Variants in BTBD18 observed in about 807,000 individuals in gnomAD.
The protein encoded by BTBD18 is BTB domain containing 18.
For missense variants in BTBD18, 787 were observed against 846.3 expected (o/e 0.93, Z 0.87); for synonymous variants, 311 against 324.4 (o/e 0.96, Z 0.44).
chr11:57,746,837 C>T (rs1949205253), intron 2 of BTBD18, among the ~76,000 whole-genome samples: 1 of 151,058 alleles, frequency 6.6e-6, no homozygotes, highest in Non-Finnish European at 1.5e-5. Context: ...CTTCCTCCAC[C>T]CCACCACAAG....
At chr11:57,749,192 G>A (rs1949249423) in intron 2 of BTBD18, among the ~76,000 whole-genome samples, 1 of 152,270 alleles carries the variant, frequency 6.6e-6, no homozygotes, top group East Asian at 1.9e-4. Context: ...ATATTGCACA[G>A]TTACTTGAAT....
rs1462805825 is a variant in BTBD18, at chr11:57,744,471, T to C, written c.1802A>G (p.Gln601Arg). The stretch of plus-strand genomic sequence containing the variant: ...TTTGTCTTCCTGACCATCCAGTGGC[T>C]GGGAGCTGGTAATTTCAAGGTCTGG... ...WTPDLEITSS[Q>R]PLDGQEDKLL... Residue 601 changes from glutamine (Q) to arginine (R), a missense_variant, in exon 3 of 3, where the codon CAG (glutamine) becomes CGG (arginine). Transcript: ENST00000422652. 6.4e-7 allele frequency: 1 copy of C among 1,551,656 alleles called. No homozygotes were observed. Among genetic ancestry groups the C allele is most frequent in the Admixed American group, 2.0e-5 (1 of 51,000 alleles).
chr11:57,744,816 G>C lies in BTBD18; in HGVS notation c.1457C>G (p.Thr486Arg), dbSNP rs576001291. Residue 486 changes from threonine (T) to arginine (R), a missense_variant, in exon 3 of 3, where the codon ACA (threonine) becomes AGA (arginine). Physicochemically the swap from Thr to Arg is moderately conservative, Grantham distance 71 (BLOSUM62 -1). Transcript: ENST00000422652. ...CAGCTCACTGGTGGCAGCAGCACTT[G>C]TGATTCGGTACTCCTCAGCCTCACA... ...QPCEAEEYRI[T>R]SAAATSELEE... 1.7e-5 allele frequency: 27 copies of C among 1,551,732 alleles called. No individual in the cohort carries two copies. The South Asian group carries it at 2.7e-4, about 16-fold the overall frequency.
At chr11:57,749,026 G>A (rs1205283934) in intron 2 of BTBD18, among the ~76,000 whole-genome samples, 1 of 152,112 alleles carries the variant, frequency 6.6e-6, no homozygotes, top group Non-Finnish European at 1.5e-5. Context: ...AAAAATCCCT[G>A]CTTCCTCCCA....
upstream of BTBD18, chr11:57,753,155 C>G (rs1949351297): frequency 6.1e-6 from 1 of 162,648 alleles, no homozygotes; most frequent in Non-Finnish European, 1.3e-5. Context: ...TCGCAGAGCC[C>G]TACGCCCCTC....
rs1322983513 is a variant in BTBD18 at position 57,745,009 on chromosome 11, T to C, written c.1264A>G (p.Met422Val). 15 of 1,551,518 alleles carry C rather than the reference T, an allele frequency of 9.7e-6. No individual in the cohort carries two copies. Among genetic ancestry groups the C allele is most frequent in the Non-Finnish European group, 8.7e-7 (1 of 1,146,960 alleles). ...TRTELCQDSP[M>V]CTKLQDILVS... Reference sequence around the variant, plus strand: ...AGAATGTCTTGTAGCTTAGTGCACATGGGGGAGTCCTGACACAGTTCTGTT... The same window carrying C: ...AGAATGTCTTGTAGCTTAGTGCACACGGGGGAGTCCTGACACAGTTCTGTT... Residue 422 changes from methionine (M) to valine (V), a missense_variant, in exon 3 of 3, where the codon ATG becomes GTG. Physicochemically the swap from Met to Val is conservative, Grantham distance 21. Coordinates refer to ENST00000422652, the MANE Select transcript of BTBD18 (RefSeq NM_001145101.3).
upstream of BTBD18, among the ~76,000 whole-genome samples, chr11:57,752,261 G>C (rs1949326313): frequency 6.6e-6 from 1 of 152,206 alleles, no homozygotes. Context: ...TTGGCTGGGC[G>C]GGGTGGCTCA....
Position 57,744,546 on chromosome 11 carries a change from A to C in BTBD18, c.1727T>G (p.Val576Gly). The C allele has an allele frequency of 6.4e-7, 1 of 1,551,656 alleles. No individual in the cohort carries two copies. The change falls in exon 3 of 3, where the codon GTC (valine) becomes GGC (glycine). Residue 576 changes from valine to glycine, a missense_variant. Val to Gly is a moderately radical substitution (Grantham distance 109). Coordinates refer to ENST00000422652, the MANE Select transcript of BTBD18 (RefSeq NM_001145101.3). The stretch of plus-strand genomic sequence containing the variant: ...CACTTCACTCACCTCAGAGGGCATG[A>C]CAAGGGGGCTAAGGAGCTCAGTTGG... ...RGPTELLSPL[V>G]MPSEVSEVLS...
intron 1 of BTBD18, 143 bp from the exon 2 acceptor site, chr11:57,751,379 CAAG>C: frequency 2.2e-6 from 1 of 452,370 alleles, no homozygotes; most frequent in Non-Finnish European, 3.8e-6. Flanking sequence ...AAGGATATCT[CAAG>C]AAAGAAAATT....
intron 2 of BTBD18, 89 bp downstream of exon 2, chr11:57,750,976 T>G: frequency 1.7e-6 from 2 of 1,156,786 alleles, no homozygotes; most frequent in Non-Finnish European, 2.3e-6. Context: ...AGTAATATTT[T>G]GCTGATTTTG....
intron 2 of BTBD18, among the ~76,000 whole-genome samples, chr11:57,747,950 C>T (rs145890492): frequency 2.6e-4 from 40 of 152,330 alleles, no homozygotes; most frequent in African/African-American, 9.6e-4. Context: ...CAAGCATATA[C>T]CACCTCAGCC....
chr11:57,746,331 A>AT (rs35886239), intron 2 of BTBD18, among the ~76,000 whole-genome samples, 183 bp from the exon 3 acceptor site: 26 of 115,356 alleles, frequency 2.3e-4, no homozygotes, highest in African/African-American at 7.6e-4. Context: ...TTGCCTAGCT[A>AT]TTTTTTTTTT....
Position 57,745,564 on chromosome 11 carries a change from C to T in BTBD18, c.709G>A (p.Asp237Asn). The T allele has an allele frequency of 1.3e-6, 2 of 1,551,088 alleles. No homozygotes were observed. The highest frequency in any genetic ancestry group is 1.7e-6 in the Non-Finnish European group (2 of 1,146,986). The change falls in exon 3 of 3, where the codon GAC (aspartate) becomes AAC (asparagine). Residue 237 changes from aspartate (D) to asparagine (N), a missense_variant. Physicochemically the swap from Asp to Asn is conservative, Grantham distance 23. Coordinates refer to ENST00000422652, the MANE Select transcript of BTBD18 (RefSeq NM_001145101.3). ...HSQEPRENKN[D>N]TALDPTVLSP... ...AGCACTGTAGGATCAAGGGCAGTGT[C>T]ATTCTTGTTCTCTCTAGGCTCTTGA... is the stretch of plus-strand genomic sequence containing the variant.
At position 57,743,993 on chromosome 11, in the gene BTBD18, A is replaced by G; in HGVS notation, c.*141T>C. The stretch of plus-strand genomic sequence containing the variant: ...TCTGCCTGGCTTCTGAGGCTTAGGG[A>G]AGGGAGGAAGGGACCTACAAAGAGC... On this transcript the variant is annotated 3_prime_UTR_variant, in exon 3 of 3. Coordinates refer to ENST00000422652, the MANE Select transcript of BTBD18 (RefSeq NM_001145101.3). The G allele has an allele frequency of 1.7e-6, 1 of 602,274 alleles. No individual in the cohort carries two copies. The allele number at this position is 602,274 out of a possible 1,614,324, so 37.3% of individuals were successfully genotyped here.
Position 57,745,869 on chromosome 11 carries a change from T to G in BTBD18, c.404A>C (p.Gln135Pro). 1 of 1,551,692 alleles carries G rather than the reference T, an allele frequency of 6.4e-7. No homozygotes were observed. The highest frequency in any genetic ancestry group is 8.7e-7 in the Non-Finnish European group (1 of 1,146,990). ...GCACTCTCGGTTCAGCCTTCGGCCC[T>G]GTGGGGCCTTCACCAACTTTCCACC... is the stretch of plus-strand genomic sequence containing the variant. ...LEGGKLVKAP[Q>P]GRRLNRECLQ... The change falls in exon 3 of 3, where the codon CAG (glutamine) becomes CCG (proline). Residue 135 changes from glutamine to proline, a missense_variant. By Grantham distance (76) the Gln-to-Pro change is moderately conservative. Transcript: ENST00000422652.
intron 2 of BTBD18, among the ~76,000 whole-genome samples, chr11:57,748,745 A>G (rs1352677323): frequency 2.6e-5 from 4 of 152,264 alleles, no homozygotes; most frequent in Non-Finnish European, 4.4e-5. Flanking sequence ...TAGGCTCAGT[A>G]ACCAATAATG....
Position 57,746,037 on chromosome 11 carries a change from C to T in BTBD18, c.236G>A (p.Gly79Asp). 6.4e-7 allele frequency: 1 copy of T among 1,551,686 alleles called. No individual in the cohort carries two copies. Among genetic ancestry groups the T allele is most frequent in the Non-Finnish European group, 8.7e-7 (1 of 1,146,998 alleles). Residue 79 changes from glycine to aspartate, a missense_variant, in exon 3 of 3, where the codon GGT becomes GAT. By Grantham distance (94) the Gly-to-Asp change is moderately conservative (BLOSUM62 -1). Transcript: ENST00000422652. ...CCTAAGTGTGCTGATCTTCAGGCCA[C>T]CCAGCTCTAGCACCACCTTCCCACC... ...AQGGKVVLEL[G>D]GLKISTLRKL...
chr11:57,752,704 C>T (rs1175300573), upstream of BTBD18, among the ~76,000 whole-genome samples: 4 of 152,162 alleles, frequency 2.6e-5, no homozygotes, highest in Non-Finnish European at 5.9e-5. Context: ...TGTCCTCTGT[C>T]CAGCCTGCCT....
In BTBD18 at chr11:57,744,350, G is replaced by C. The variant is rs1421055429; in HGVS notation, c.1923C>G (p.Ser641=). ...GGTATAATAACTCATCTGTAGTCAAGGAGACTTCCAGCCCAGTCTCCACCC... is the reference window on the plus strand; with the variant it reads ...GGTATAATAACTCATCTGTAGTCAACGAGACTTCCAGCCCAGTCTCCACCC... ...SNWVETGLEV[S]LTTDELLYPS... is the part of the protein sequence containing the mutation. Residue 641 remains serine, a synonymous_variant, in exon 3 of 3, where the codon TCC becomes TCG. Coordinates refer to ENST00000422652, the MANE Select transcript of BTBD18 (RefSeq NM_001145101.3). 1.9e-6 allele frequency: 3 copies of C among 1,551,662 alleles called. No homozygotes were observed. The highest frequency in any genetic ancestry group is 2.6e-6 in the Non-Finnish European group (3 of 1,146,968).
Sources: gnomAD v4.1 joint callset for allele counts (sites outside exome capture counted in the v4.1 genomes callset) on GRCh38, gnomAD v4.1.1 for gene constraint, MANE v1.5 for transcripts, NCBI Gene and HGNC (gene_info 2026-07-23, HGNC 2026-07-21) for gene names.